The following ANKS1B variants were observed in gnomAD, a reference collection of about 807,000 sequenced individuals.
The protein encoded by ANKS1B is ankyrin repeat and sterile alpha motif domain-containing protein 1B.
In ANKS1B, 36 loss-of-function variants were observed where a neutral mutation model predicts 148.3. That is an observed-to-expected ratio of 0.24 (90% CI 0.19 to 0.32). ANKS1B has a LOEUF of 0.32. Among genes scored for constraint, ANKS1B ranks in the 10% least tolerant of loss-of-function variants. The probability of loss-of-function intolerance (pLI) is 1.00; values close to 1 mark genes in which losing one functional copy is unlikely to be tolerated. For missense variants in ANKS1B, 1,157 were observed against 1,542.6 expected, an observed-to-expected ratio of 0.75 and a Z score of 4.19; for synonymous variants, 542 against 560.8, an observed-to-expected ratio of 0.97 and a Z score of 0.47.
At chr12:98,763,577 A>G (rs1420044475) in intron 25 of ANKS1B, among the ~76,000 whole-genome samples, 1 of 152,250 alleles carries the variant, frequency 6.6e-6, no homozygotes, top group East Asian at 1.9e-4. Context: ...AAAGGAAAAA[A>G]TAAAATTCAG....
rs756670637 is a variant in ANKS1B, at chr12:98,745,689, C to T, written c.*50G>A. 5 of 1,603,580 alleles carry T rather than the reference C, an allele frequency of 3.1e-6. No homozygotes were observed. The highest frequency in any genetic ancestry group is 3.4e-6 in the Non-Finnish European group (4 of 1,174,508). On this transcript the variant is annotated 3_prime_UTR_variant, in exon 27 of 27. Transcript: ENST00000683438. ...CGGAGGCGCGAAGGAAAGCCTGCTC[C>T]GGGACCGCTTGGCGAGCAAGGCACC...
intron 8 of ANKS1B, among the ~76,000 whole-genome samples, chr12:99,703,034 TTC>T (rs1034966694): frequency 1.2e-4 from 19 of 152,248 alleles, no homozygotes; most frequent in African/African-American, 4.6e-4. Context: ...TTAGATTTCA[TTC>T]TCTTTCATTA....
intron 26 of ANKS1B, among the ~76,000 whole-genome samples, chr12:98,746,803 G>C (rs1286720960): frequency 1.3e-5 from 2 of 152,246 alleles, no homozygotes; most frequent in Non-Finnish European, 2.9e-5. Context: ...TTTGCCTGAA[G>C]ACAGGAGGAG....
chr12:98,751,109 T>A lies in ANKS1B; in HGVS notation c.3747+246A>T, dbSNP rs1442394503. ...CAGTACCTGCTGCTGAGACCCTTCA[T>A]AGGGTTGCTGCAGGTGACTGAGAAA... is the stretch of plus-strand genomic sequence containing the variant. On this transcript the variant is annotated intron_variant, in intron 26 of 26. Transcript: ENST00000683438. This position sits in a 1 kb window ranked among gnomAD's most constrained non-coding sequence, Gnocchi z 4.3. 1.3e-5 allele frequency among the ~76,000 whole-genome samples: 2 copies of A among 152,102 alleles called. No homozygotes were observed. Among genetic ancestry groups the A allele is most frequent in the African/African-American group, 2.4e-5 (1 of 41,426 alleles).
intron 12 of ANKS1B, among the ~76,000 whole-genome samples, chr12:99,393,585 T>C (rs1162620094): frequency 6.6e-6 from 1 of 152,196 alleles, no homozygotes; most frequent in African/African-American, 2.4e-5. Context: ...ACTGATTTAA[T>C]TGCAGTATTT....
intron 8 of ANKS1B, 94 bp from the exon 9 acceptor site, chr12:99,655,304 T>A: frequency 8.5e-7 from 1 of 1,180,492 alleles, no homozygotes; most frequent in Non-Finnish European, 1.2e-6. Context: ...GTGGTATATC[T>A]CGGCAAACAA....
chr12:99,676,176 C>A lies in ANKS1B; in HGVS notation c.1129-20966G>T, dbSNP rs545680060. On this transcript the variant is annotated intron_variant, in intron 8 of 26. Coordinates refer to ENST00000683438, the MANE Select transcript of ANKS1B (RefSeq NM_001352186.2). ...AAGGACATGTTTGCTTCCCCTTCTGCCATTGTTTTAAGTTTCCTGAGGCTT... is the reference window on the plus strand; with the variant it reads ...AAGGACATGTTTGCTTCCCCTTCTGACATTGTTTTAAGTTTCCTGAGGCTT... Among the ~76,000 whole-genome samples the A allele has an allele frequency of 4.0e-5, 6 of 149,440 alleles. 1 individual carries two copies. The highest frequency in any genetic ancestry group is 4.5e-5 in the Non-Finnish European group (3 of 66,130).
chr12:99,974,578 G>A (rs530670829), intron 1 of ANKS1B, among the ~76,000 whole-genome samples: 9 of 152,174 alleles, frequency 5.9e-5, no homozygotes, highest in African/African-American at 2.2e-4. Context: ...CAGCCTTTAA[G>A]AAGGAAGAAT....
At chr12:99,860,367 T>A (rs2089862538) in intron 1 of ANKS1B, among the ~76,000 whole-genome samples, 1 of 152,120 alleles carries the variant, frequency 6.6e-6, no homozygotes, top group South Asian at 2.1e-4. Context: ...GAGGCTGGGG[T>A]CATGAAACAT....
intron 9 of ANKS1B, among the ~76,000 whole-genome samples, chr12:99,530,252 C>T (rs546907095): frequency 2.0e-5 from 3 of 152,162 alleles, no homozygotes; most frequent in Admixed American, 2.0e-4. Context: ...GGTTTAGGCC[C>T]TTGGCAGTGT....
intron 17 of ANKS1B, among the ~76,000 whole-genome samples, chr12:98,867,881 TAA>T (rs897221758): frequency 4.6e-4 from 70 of 151,394 alleles, no homozygotes; most frequent in African/African-American, 1.6e-3. Context: ...AAAAAGAATA[TAA>T]GTCAGTTTTC....
At chr12:99,837,738 T>C (rs1263116873) in intron 1 of ANKS1B, among the ~76,000 whole-genome samples, 1 of 152,142 alleles carries the variant, frequency 6.6e-6, no homozygotes, top group Admixed American at 6.6e-5. Flanking sequence ...TATACTTCAG[T>C]CTCATTGTTT....
chr12:99,606,952 A>G (rs1597994059), intron 9 of ANKS1B, among the ~76,000 whole-genome samples: 1 of 152,106 alleles, frequency 6.6e-6, no homozygotes, highest in East Asian at 1.9e-4. Flanking sequence ...CCTGGGTCCT[A>G]AACATCCACT....
At chr12:98,968,363 G>A (rs893724378) in intron 17 of ANKS1B, among the ~76,000 whole-genome samples, 1 of 152,124 alleles carries the variant, frequency 6.6e-6, no homozygotes, top group African/African-American at 2.4e-5. Flanking sequence ...AAACTCTGAG[G>A]GTGGGACTCA....
intron 17 of ANKS1B, among the ~76,000 whole-genome samples, chr12:98,919,686 T>C (rs931223746): frequency 1.3e-5 from 2 of 152,198 alleles, no homozygotes; most frequent in Non-Finnish European, 2.9e-5. Context: ...GAATTTTTCT[T>C]TTCTTTTTTA....
chr12:99,392,641 T>C (rs2094113352), intron 12 of ANKS1B, among the ~76,000 whole-genome samples: 1 of 152,210 alleles, frequency 6.6e-6, no homozygotes, highest in Non-Finnish European at 1.5e-5. Context: ...GACACAGCTT[T>C]CTATAAAGAT....
At chr12:99,552,308 T>C (rs1047094161) in intron 9 of ANKS1B, among the ~76,000 whole-genome samples, 10 of 152,244 alleles carry the variant, frequency 6.6e-5, no homozygotes, top group African/African-American at 2.2e-4. Context: ...ATGTCTATCA[T>C]GGTGTCTGGC....
chr12:99,342,527 A>G (rs777891596), intron 12 of ANKS1B, among the ~76,000 whole-genome samples: 1 of 152,204 alleles, frequency 6.6e-6, no homozygotes, highest in South Asian at 2.1e-4. Flanking sequence ...AATCTCTAGT[A>G]GATGGTAGCT....
chr12:99,098,767 C>T (rs10860390), intron 15 of ANKS1B, among the ~76,000 whole-genome samples: 84,482 of 147,862 alleles, frequency 0.57, 24,830 homozygotes, highest in East Asian at 0.75. Context: ...GGTTCCCCCC[C>T]CCACCCCCAG....
Sources: allele counts gnomAD v4.1 joint callset (sites outside exome capture counted in the v4.1 genomes callset), GRCh38; gene constraint gnomAD v4.1.1; non-coding constraint Gnocchi (gnomAD v3.1); transcripts MANE v1.5; gene names NCBI Gene and HGNC (gene_info 2026-07-23, HGNC 2026-07-21).